SOX5: variants seen among roughly 807,000 people sequenced by gnomAD.
The protein encoded by SOX5 is transcription factor SOX-5.
Under a neutral mutation model 92.0 loss-of-function variants are expected in SOX5, and 9 were observed. That is an observed-to-expected ratio of 0.10 (90% CI 0.06 to 0.17). SOX5 has a LOEUF of 0.17. Ranked by LOEUF, SOX5 falls within the 10% of genes least tolerant of loss-of-function variation. The pLI, the probability that SOX5 is intolerant of heterozygous loss-of-function variation, is 1.00. For missense variants in SOX5, 642 were observed against 944.5 expected (o/e 0.68, Z 4.20); for synonymous variants, 344 against 336.3 (o/e 1.02, Z -0.25).
At chr12:23,867,652 A>C (rs945492606) in intron 2 of SOX5, among the ~76,000 whole-genome samples, 1 of 152,084 alleles carries the variant, frequency 6.6e-6, no homozygotes, top group African/African-American at 2.4e-5. Context: ...TGAATAAGGA[A>C]TTTGTACTAC....
chr12:24,431,123 T>C (rs575971335), intron 1 of SOX5, among the ~76,000 whole-genome samples: 1 of 152,304 alleles, frequency 6.6e-6, no homozygotes, highest in South Asian at 2.1e-4. Context: ...AGTGTATATG[T>C]CTGTCTATAT....
At chr12:23,823,059 C>A (rs4424758) in intron 3 of SOX5, among the ~76,000 whole-genome samples, 32,188 of 152,104 alleles carry the variant, frequency 0.21, 4,143 homozygotes, top group Middle Eastern at 0.29. Context: ...TGTTTCTTGA[C>A]TCTTTACCCA....
intron 4 of SOX5, among the ~76,000 whole-genome samples, chr12:24,033,184 A>G (rs1955684426): frequency 6.6e-6 from 1 of 151,986 alleles, no homozygotes; most frequent in Admixed American, 6.6e-5. Flanking sequence ...GTTGTTATAC[A>G]TCTTTTCCAA....
chr12:23,578,027 A>G (rs1362751396), intron 9 of SOX5, among the ~76,000 whole-genome samples: 2 of 146,338 alleles, frequency 1.4e-5, no homozygotes, highest in Non-Finnish European at 3.0e-5. Context: ...AGGCTAAGGC[A>G]GGAGAATCAC....
intron 1 of SOX5, among the ~76,000 whole-genome samples, chr12:24,455,832 G>A (rs1055974240): frequency 1.3e-5 from 2 of 152,080 alleles, no homozygotes; most frequent in African/African-American, 2.4e-5. Flanking sequence ...ACTCCCAAGC[G>A]ATTCTTCCCC....
intron 1 of SOX5, among the ~76,000 whole-genome samples, chr12:24,374,394 C>T (rs553967262): frequency 6.6e-5 from 10 of 152,236 alleles, no homozygotes; most frequent in South Asian, 2.1e-4. Flanking sequence ...GGAAGGAAAA[C>T]GTCTGGATTG....
chr12:23,630,034 G>A (rs916837660), intron 8 of SOX5, among the ~76,000 whole-genome samples: 5 of 151,762 alleles, frequency 3.3e-5, no homozygotes, highest in Non-Finnish European at 7.4e-5. Flanking sequence ...AGTGTATCAA[G>A]GACATGTATC....
intron 3 of SOX5, among the ~76,000 whole-genome samples, chr12:24,266,042 G>C (rs1186443737): frequency 2.0e-5 from 1 of 49,198 alleles, no homozygotes; most frequent in Non-Finnish European, 4.3e-5. Context: ...TAATGTGTGT[G>C]TGTGTGTGTG....
At chr12:23,644,936 T>C (rs2080631846) in intron 7 of SOX5, among the ~76,000 whole-genome samples, 1 of 152,176 alleles carries the variant, frequency 6.6e-6, no homozygotes, top group South Asian at 2.1e-4. Flanking sequence ...AAAGCAAAAT[T>C]GTAGAGGCTG....
At chr12:23,695,940 C>CAAAAAAAAAAAAA (rs71059917) in intron 6 of SOX5, among the ~76,000 whole-genome samples, 2 of 11,904 alleles carry the variant, frequency 1.7e-4, no homozygotes, top group African/African-American at 5.4e-4. Context: ...GACTCTGTCT[C>CAAAAAAAAAAAAA]AAAAAAAAAA....
At chr12:24,523,032 T>A (rs1038889669) in intron 1 of SOX5, among the ~76,000 whole-genome samples, 19 of 152,086 alleles carry the variant, frequency 1.2e-4, no homozygotes, top group South Asian at 8.3e-4. Flanking sequence ...TGACTCCATT[T>A]AAAAACTGTT....
intron 8 of SOX5, among the ~76,000 whole-genome samples, chr12:23,609,850 T>C (rs1407014939): frequency 2.0e-5 from 3 of 152,148 alleles, no homozygotes; most frequent in Non-Finnish European, 2.9e-5. Context: ...CAACATAAGC[T>C]TGAATTGTAT....
intron 4 of SOX5, among the ~76,000 whole-genome samples, chr12:23,967,372 G>GA (rs1389467602): frequency 6.6e-6 from 1 of 151,894 alleles, no homozygotes; most frequent in Non-Finnish European, 1.5e-5. Context: ...TACACAAATA[G>GA]AAAATATAAA....
At chr12:23,930,187 T>G (rs1485160096) in intron 1 of SOX5, among the ~76,000 whole-genome samples, 2 of 151,906 alleles carry the variant, frequency 1.3e-5, no homozygotes, top group African/African-American at 4.8e-5. Context: ...TTCACACTGG[T>G]AAAGCAGACT....
chr12:24,000,458 T>A (rs34918527), intron 4 of SOX5, among the ~76,000 whole-genome samples: 7,660 of 152,052 alleles, frequency 0.05, 260 homozygotes, highest in Middle Eastern at 0.09. Flanking sequence ...CTCTATATTT[T>A]AAAAAAATTA....
intron 4 of SOX5, among the ~76,000 whole-genome samples, chr12:24,059,449 T>A (rs1939239732): frequency 6.6e-6 from 1 of 152,022 alleles, no homozygotes; most frequent in South Asian, 2.1e-4. Flanking sequence ...TAGTCCAAGG[T>A]TTGGTTTTTT....
chr12:24,547,432 C>T (rs954736971), intron 1 of SOX5, among the ~76,000 whole-genome samples: 48 of 151,426 alleles, frequency 3.2e-4, no homozygotes, highest in Middle Eastern at 3.4e-3. Flanking sequence ...ACCTCATGAT[C>T]CACCCGCCTC....
chr12:24,440,785 G>A (rs951857227), intron 1 of SOX5, among the ~76,000 whole-genome samples: 2 of 152,142 alleles, frequency 1.3e-5, no homozygotes, highest in African/African-American at 4.8e-5. Flanking sequence ...AGACAAACAA[G>A]TAAGATTTTT....
intron 4 of SOX5, among the ~76,000 whole-genome samples, chr12:24,043,415 T>C (rs1296743164): frequency 1.3e-5 from 2 of 152,346 alleles, no homozygotes; most frequent in Middle Eastern, 6.8e-3. Context: ...AGGTGTGATA[T>C]AAAAACACAT....
Sources: gnomAD v4.1 joint callset for allele counts (sites outside exome capture counted in the v4.1 genomes callset) on GRCh38, gnomAD v4.1.1 for gene constraint, MANE v1.5 for transcripts, NCBI Gene and HGNC (gene_info 2026-07-23, HGNC 2026-07-21) for gene names.